GRID1: variants seen among roughly 807,000 people sequenced by gnomAD.
GRID1 encodes glutamate receptor ionotropic, delta-1.
A neutral mutation model predicts 98.0 loss-of-function variants in GRID1; 28 were observed. That is an observed-to-expected ratio of 0.29 (90% CI 0.21 to 0.39). The LOEUF (loss-of-function observed/expected upper bound fraction) is 0.39, where lower values mean the gene tolerates loss of function less well. GRID1 is among the 10% of genes least tolerant of loss of function. GRID1 has a pLI of 1.00. For missense variants in GRID1, 1,111 were observed against 1,340.5 expected (o/e 0.83, Z 2.67); for synonymous variants, 553 against 538.5 (o/e 1.03, Z -0.37).
chr10:86,001,604 A>G (rs959365361), intron 4 of GRID1, among the ~76,000 whole-genome samples: 4 of 152,204 alleles, frequency 2.6e-5, no homozygotes, highest in African/African-American at 7.2e-5. Context: ...CCTTGCAGAG[A>G]AAGGGCATCT....
chr10:85,963,512 G>C (rs1434951615), intron 4 of GRID1, among the ~76,000 whole-genome samples: 2 of 152,102 alleles, frequency 1.3e-5, no homozygotes, highest in African/African-American at 4.8e-5. Context: ...GGCTCTCATA[G>C]CTTTTCAAAA....
At chr10:85,703,409 T>A (rs1299273404) in intron 12 of GRID1, among the ~76,000 whole-genome samples, 1 of 151,184 alleles carries the variant, frequency 6.6e-6, no homozygotes, top group African/African-American at 2.4e-5. Context: ...TGGGAAAAAA[T>A]AAAAGAATGT....
chr10:85,805,892 G>A (rs1842619123), intron 8 of GRID1, among the ~76,000 whole-genome samples: 1 of 150,488 alleles, frequency 6.6e-6, no homozygotes, highest in Non-Finnish European at 1.5e-5. Context: ...AAAAACATAG[G>A]GAAAAATATT....
intron 12 of GRID1, among the ~76,000 whole-genome samples, chr10:85,663,205 GTCA>G (rs1195476649): frequency 1.3e-5 from 2 of 152,130 alleles, no homozygotes; most frequent in Non-Finnish European, 2.9e-5. Context: ...CTTATCAGAG[GTCA>G]TCAAGTTAAA....
At chr10:86,316,244 T>C (rs2132091790) in intron 2 of GRID1, among the ~76,000 whole-genome samples, 1 of 152,306 alleles carries the variant, frequency 6.6e-6, no homozygotes, top group African/African-American at 2.4e-5. Context: ...CAGGCAGACT[T>C]TGAGCTGCCA....
At chr10:85,887,782 T>C (rs1261157576) in intron 5 of GRID1, among the ~76,000 whole-genome samples, 1 of 152,190 alleles carries the variant, frequency 6.6e-6, no homozygotes, top group East Asian at 1.9e-4. Flanking sequence ...CAAAGTTCAG[T>C]GGCTTTAATT....
intron 12 of GRID1, among the ~76,000 whole-genome samples, chr10:85,701,228 T>A (rs892059621): frequency 4.6e-5 from 7 of 152,166 alleles, no homozygotes; most frequent in African/African-American, 1.7e-4. Context: ...TTCTTATATT[T>A]ACAGAGACAA....
intron 2 of GRID1, among the ~76,000 whole-genome samples, chr10:86,346,394 C>A (rs1292789327): frequency 1.3e-5 from 2 of 152,250 alleles, no homozygotes; most frequent in African/African-American, 4.8e-5. Context: ...ATAGCCTTAT[C>A]TCTGCCCAGG....
intron 4 of GRID1, among the ~76,000 whole-genome samples, chr10:86,031,984 T>C (rs1843191800): frequency 6.6e-6 from 1 of 152,128 alleles, no homozygotes; most frequent in African/African-American, 2.4e-5. Flanking sequence ...CAGAGGGGCC[T>C]TCTCTCCCCT....
intron 2 of GRID1, among the ~76,000 whole-genome samples, chr10:86,208,791 A>C (rs1259034612): frequency 1.3e-5 from 2 of 152,192 alleles, no homozygotes; most frequent in Non-Finnish European, 2.9e-5. Flanking sequence ...AATAGCAGTA[A>C]AGACTCGTGC....
chr10:86,283,976 CCT>C (rs1847393115), intron 2 of GRID1, among the ~76,000 whole-genome samples: 2 of 150,348 alleles, frequency 1.3e-5, no homozygotes, highest in Non-Finnish European at 3.0e-5. Context: ...ACACACCTGC[CCT>C]CTCACACACA....
At chr10:85,818,725 AT>A (rs199713936) in intron 8 of GRID1, among the ~76,000 whole-genome samples, 8,977 of 148,360 alleles carry the variant, frequency 0.061, 553 homozygotes, top group East Asian at 0.26. Flanking sequence ...AGCAATAGTA[AT>A]TTTTTTTTTT....
At chr10:85,846,814 A>C (rs1040678746) in intron 8 of GRID1, among the ~76,000 whole-genome samples, 1 of 152,224 alleles carries the variant, frequency 6.6e-6, no homozygotes, top group African/African-American at 2.4e-5. Flanking sequence ...ATTTTCAGTG[A>C]AGCAGATTGC....
chr10:85,663,623 T>C lies in GRID1; in HGVS notation c.1998-16226A>G, dbSNP rs1192222696. On this transcript the variant is annotated intron_variant, in intron 12 of 15. Transcript: ENST00000327946. Reference sequence around the variant, plus strand: ...TGGTACTCGTCTTGCTGTGCTGTACTGAGTCACTTCTCTGCCTGCTCCTCT... The same window carrying C: ...TGGTACTCGTCTTGCTGTGCTGTACCGAGTCACTTCTCTGCCTGCTCCTCT... 2.6e-5 allele frequency among the ~76,000 whole-genome samples: 4 copies of C among 152,300 alleles called. No individual in the cohort carries two copies. In the East Asian group the frequency reaches 7.7e-4, roughly 29 times the overall value.
At chr10:86,120,548 GGTGGCAT>G (rs1165175215) in intron 4 of GRID1, among the ~76,000 whole-genome samples, 5 of 151,988 alleles carry the variant, frequency 3.3e-5, no homozygotes, top group African/African-American at 7.2e-5. Flanking sequence ...GGAAAAAAAG[GGTGGCAT>G]GAAAAATCAT....
intron 5 of GRID1, among the ~76,000 whole-genome samples, chr10:85,891,929 A>C (rs1841206744): frequency 6.6e-6 from 1 of 152,066 alleles, no homozygotes; most frequent in Non-Finnish European, 1.5e-5. Flanking sequence ...ACACACCCAG[A>C]AATAATGCAG....
At chr10:85,839,430 AAC>A (rs1424814485) in intron 8 of GRID1, among the ~76,000 whole-genome samples, 1 of 152,248 alleles carries the variant, frequency 6.6e-6, no homozygotes, top group Non-Finnish European at 1.5e-5. Context: ...CCAAAATTAT[AAC>A]AGTCTCTCAT....
At chr10:85,760,573 T>G (rs1322139441) in intron 8 of GRID1, among the ~76,000 whole-genome samples, 1 of 152,322 alleles carries the variant, frequency 6.6e-6, no homozygotes, top group East Asian at 1.9e-4. Flanking sequence ...CTGCATCCTT[T>G]AATCATCAAG....
chr10:85,665,058 G>A (rs373789149), intron 12 of GRID1, among the ~76,000 whole-genome samples: 27 of 152,188 alleles, frequency 1.8e-4, no homozygotes, highest in Non-Finnish European at 2.6e-4. Flanking sequence ...TAAATGATAC[G>A]TCATTATTAG....
Sources: gnomAD v4.1 joint callset for allele counts (sites outside exome capture counted in the v4.1 genomes callset) on GRCh38, gnomAD v4.1.1 for gene constraint, MANE v1.5 for transcripts, NCBI Gene and HGNC (gene_info 2026-07-23, HGNC 2026-07-21) for gene names.